Variants in GLIS1 observed in about 807,000 individuals in gnomAD.
The protein encoded by GLIS1 is zinc finger protein GLIS1.
A neutral mutation model predicts 63.8 loss-of-function variants in GLIS1; 24 were observed. That is an observed-to-expected ratio of 0.38 (90% CI 0.27 to 0.53). The LOEUF (loss-of-function observed/expected upper bound fraction) is 0.53, where lower values mean the gene tolerates loss of function less well. Ranked by LOEUF, GLIS1 falls within the 20% of genes least tolerant of loss-of-function variation. GLIS1 has a pLI of 0.85. For missense variants in GLIS1, 1,036 were observed against 1,074.1 expected, an observed-to-expected ratio of 0.96 and a Z score of 0.50; for synonymous variants, 450 against 482.5, an observed-to-expected ratio of 0.93 and a Z score of 0.88.
intron 2 of GLIS1, among the ~76,000 whole-genome samples, chr1:53,647,330 G>A (rs1645857573): frequency 6.6e-6 from 1 of 152,206 alleles, no homozygotes; most frequent in Non-Finnish European, 1.5e-5. Context: ...AGTAATTAAT[G>A]TGAAACTGGC....
intron 2 of GLIS1, among the ~76,000 whole-genome samples, chr1:53,722,050 C>A (rs1646760791): frequency 6.6e-6 from 1 of 152,192 alleles, no homozygotes; most frequent in African/African-American, 2.4e-5. Context: ...ACACACAATA[C>A]CTGTTTGACT....
chr1:53,730,751 ACACATTCTCATGAATG>A (rs1646851933), intron 2 of GLIS1, among the ~76,000 whole-genome samples: 8 of 152,200 alleles, frequency 5.3e-5, no homozygotes, highest in Admixed American at 5.2e-4. Context: ...CTGAGAATGT[ACACATTCTCATGAATG>A]CACGTGCAAG....
In GLIS1 at chr1:53,560,422, G is replaced by A. The variant is rs895258802; in HGVS notation, c.1321-30470C>T. 1.3e-5 allele frequency among the ~76,000 whole-genome samples: 2 copies of A among 152,204 alleles called. No homozygotes were observed. Among genetic ancestry groups the A allele is most frequent in the Non-Finnish European group, 2.9e-5 (2 of 68,032 alleles). On this transcript the variant is annotated intron_variant, in intron 4 of 10. Coordinates refer to ENST00000628545, the MANE Select transcript of GLIS1 (RefSeq NM_001367484.1). This position sits in a 1 kb window ranked among gnomAD's most constrained non-coding sequence, Gnocchi z 4.4. The stretch of plus-strand genomic sequence containing the variant: ...AGCTCGCTCCCTGTTTGCAAGGGCA[G>A]GGGTTCCACTGGCAGACGGACAGTT...
At chr1:53,729,275 T>C (rs1219398505) in intron 2 of GLIS1, among the ~76,000 whole-genome samples, 1 of 152,124 alleles carries the variant, frequency 6.6e-6, no homozygotes, top group Admixed American at 6.5e-5. Context: ...AGCCGCTCGA[T>C]CTGTTTGAAA....
At chr1:53,622,991 T>C (rs1240460819) in intron 2 of GLIS1, among the ~76,000 whole-genome samples, 1 of 152,236 alleles carries the variant, frequency 6.6e-6, no homozygotes, top group Non-Finnish European at 1.5e-5. Flanking sequence ...AGAAATGTAT[T>C]AACCTCAGTT....
At chr1:53,699,301 T>G (rs937538038) in intron 2 of GLIS1, among the ~76,000 whole-genome samples, 2 of 152,158 alleles carry the variant, frequency 1.3e-5, no homozygotes, top group African/African-American at 4.8e-5. Context: ...TGAACTCAGA[T>G]GATCCACCCA....
chr1:53,538,888 C>T (rs567439120), intron 4 of GLIS1, among the ~76,000 whole-genome samples: 1 of 152,216 alleles, frequency 6.6e-6, no homozygotes, highest in East Asian at 1.9e-4. Flanking sequence ...GGAAAGGTGG[C>T]CGGCCAGCAA....
chr1:53,623,029 G>C (rs1461677877), intron 2 of GLIS1, among the ~76,000 whole-genome samples: 5 of 152,172 alleles, frequency 3.3e-5, no homozygotes, highest in Non-Finnish European at 5.9e-5. Flanking sequence ...ACATGACTGT[G>C]ATATGGTTAC....
chr1:53,666,178 C>T (rs1278838691), intron 2 of GLIS1, among the ~76,000 whole-genome samples: 1 of 152,218 alleles, frequency 6.6e-6, no homozygotes, highest in Non-Finnish European at 1.5e-5. Flanking sequence ...CCATCCCTCA[C>T]TGCTGAACAT....
intron 2 of GLIS1, among the ~76,000 whole-genome samples, chr1:53,715,165 C>G (rs1646685112): frequency 6.6e-6 from 1 of 152,218 alleles, no homozygotes; most frequent in South Asian, 2.1e-4. Flanking sequence ...ATCTGTCTAC[C>G]TCAGCCCCCC....
rs545938762 is a variant in GLIS1, at chr1:53,558,439, C to T, written c.1321-28487G>A. Among the ~76,000 whole-genome samples, 6 of 152,308 alleles carry T rather than the reference C, an allele frequency of 3.9e-5. No individual in the cohort carries two copies. The East Asian group carries it at 1.2e-3, about 29-fold the overall frequency. On this transcript the variant is annotated intron_variant, in intron 4 of 10. Transcript: ENST00000628545. ...CTCTGCCCTGGGCAACCTTTCCAGT[C>T]GCTGCTCTGCTGCTTTCCACCCTGG...
At chr1:53,666,030 CAA>C (rs1033870379) in intron 2 of GLIS1, among the ~76,000 whole-genome samples, 1 of 152,110 alleles carries the variant, frequency 6.6e-6, no homozygotes, top group African/African-American at 2.4e-5. Flanking sequence ...CTCATAGTCA[CAA>C]ATTTAAAAAG....
intron 2 of GLIS1, among the ~76,000 whole-genome samples, chr1:53,628,118 AGG>A (rs1362043980): frequency 1.3e-5 from 2 of 150,280 alleles, no homozygotes; most frequent in Non-Finnish European, 3.0e-5. Context: ...CTCCAGAGCC[AGG>A]CCTTTAGCCT....
At chr1:53,537,337 A>G (rs1432976602) in intron 4 of GLIS1, among the ~76,000 whole-genome samples, 1 of 152,220 alleles carries the variant, frequency 6.6e-6, no homozygotes, top group Non-Finnish European at 1.5e-5. Context: ...GGGGAGCCCC[A>G]GCACAGTGCC....
intron 2 of GLIS1, among the ~76,000 whole-genome samples, chr1:53,718,390 G>A (rs1476947894): frequency 6.6e-6 from 1 of 152,134 alleles, no homozygotes; most frequent in Non-Finnish European, 1.5e-5. Context: ...TGATTCACAG[G>A]AATTTGACAG....
chr1:53,556,155 GCTGT>G (rs1485981856), intron 4 of GLIS1, among the ~76,000 whole-genome samples: 2 of 137,788 alleles, frequency 1.5e-5, no homozygotes, highest in African/African-American at 2.7e-5. Flanking sequence ...GTGTACTGCA[GCTGT>G]GTGTGTGTAT....
intron 2 of GLIS1, among the ~76,000 whole-genome samples, chr1:53,650,254 C>A (rs1344507514): frequency 1.3e-5 from 2 of 152,120 alleles, no homozygotes; most frequent in Non-Finnish European, 2.9e-5. Flanking sequence ...TGTGCTTGAT[C>A]CAACTCTATG....
At chr1:53,514,575 C>G (rs41296167) in intron 8 of GLIS1, 50 bp downstream of exon 8, 3 of 1,585,084 alleles carry the variant, frequency 1.9e-6, no homozygotes, top group African/African-American at 1.4e-5. Context: ...TGCCTCCCCC[C>G]GAGATCCCCC....
At chr1:53,684,829 G>A (rs1398318405) in intron 2 of GLIS1, among the ~76,000 whole-genome samples, 1 of 152,224 alleles carries the variant, frequency 6.6e-6, no homozygotes, top group Non-Finnish European at 1.5e-5. Flanking sequence ...CTGCTTTAGG[G>A]CAGGCAAGTG....
Sources: gnomAD v4.1 joint callset for allele counts (sites outside exome capture counted in the v4.1 genomes callset) on GRCh38, gnomAD v4.1.1 for gene constraint, Gnocchi (gnomAD v3.1) non-coding constraint, MANE v1.5 for transcripts, NCBI Gene and HGNC (gene_info 2026-07-23, HGNC 2026-07-21) for gene names.